The following CHPF2 variants were observed in gnomAD, a reference collection of about 807,000 sequenced individuals.
The protein encoded by CHPF2 is chondroitin polymerizing factor 2, non-catalytic subunit.
CHPF2 carries 58 observed loss-of-function variants against 63.0 expected under a neutral mutation model. The ratio of observed to expected loss-of-function variants is 0.92; its 90% CI spans 0.75 to 1.15. CHPF2 has a LOEUF of 1.15. CHPF2 is among the 50% of genes most tolerant of loss of function. The pLI is 0.00. For missense variants in CHPF2, 1,045 were observed against 1,035.4 expected (o/e 1.01, Z -0.13); for synonymous variants, 442 against 438.0 (o/e 1.01, Z -0.11).
rs1052024145 is a variant in CHPF2 at position 151,233,237 on chromosome 7, C to T, written c.-775C>T. ...GCAGCTGGGGTTCCGAGGAGAATGC[C>T]CTGCAAGATGGCTCCATCGGCCATG... On this transcript the variant is annotated 5_prime_UTR_variant, in exon 1 of 4. Coordinates refer to ENST00000035307, the MANE Select transcript of CHPF2 (RefSeq NM_019015.3). 13 of 1,000,226 alleles carry T rather than the reference C, an allele frequency of 1.3e-5. No individual in the cohort carries two copies. The African/African-American group carries it at 1.9e-4, about 15-fold the overall frequency. The allele number at this position is 1,000,226 out of a possible 1,614,324, so 62.0% of individuals were successfully genotyped here. A position where few individuals can be genotyped will look rare whatever the true frequency, so the allele number is the denominator to read the frequency against.
At position 151,238,295 on chromosome 7, in the gene CHPF2, GA is replaced by G; in HGVS notation, c.1934del (p.Asp645AlafsTer16). The G allele has an allele frequency of 6.2e-7, 1 of 1,610,682 alleles. No individual in the cohort carries two copies. The highest frequency in any genetic ancestry group is 2.2e-5 in the East Asian group (1 of 44,802). ...SPPGPPGAGP[D>X]PPSPPGADPS... ...CCCAGGGCCCCCGGGGGCTGGCCCT[GA>G]CCCCCCCTCCCCTCCTGGTGCTGAC... On this transcript the variant is annotated frameshift_variant, in exon 4 of 4. Transcript: ENST00000035307. LOFTEE classifies it high-confidence loss of function.
Position 151,232,739 on chromosome 7 carries a change from C to T in CHPF2, c.-1273C>T, listed in dbSNP as rs1247049890. ...TCCTCCCCGAGGGCCTTGGGCGTCC[C>T]TCCTGGTCCTGCGCTCGCGGCCTCG... is the stretch of plus-strand genomic sequence containing the variant. On this transcript the variant is annotated 5_prime_UTR_variant, in exon 1 of 4. Coordinates refer to ENST00000035307, the MANE Select transcript of CHPF2 (RefSeq NM_019015.3). 2.3e-5 allele frequency: 35 copies of T among 1,509,502 alleles called. No individual in the cohort carries two copies. Among genetic ancestry groups the T allele is most frequent in the Non-Finnish European group, 2.8e-5 (32 of 1,135,592 alleles). 93.5% of individuals were successfully genotyped at this position (1,509,502 alleles called of 1,614,324 possible).
At position 151,233,708 on chromosome 7, in the gene CHPF2, T is replaced by C; in HGVS notation, c.-304T>C. On this transcript the variant is annotated 5_prime_UTR_variant, in exon 1 of 4. Coordinates refer to ENST00000035307, the MANE Select transcript of CHPF2 (RefSeq NM_019015.3). ...GTATTGAGTTTTACTTCCTCCTCTT[T>C]TTAGTGGAAGACAGACCATAATCCC... 2.7e-6 allele frequency: 3 copies of C among 1,121,142 alleles called. No individual in the cohort carries two copies. The highest frequency in any genetic ancestry group is 3.2e-5 in the African/African-American group (2 of 62,110). 69.4% of individuals were successfully genotyped at this position (1,121,142 alleles called of 1,614,324 possible).
chr7:151,234,368 C>A, intron 1 of CHPF2, 94 bp downstream of exon 1: 1 of 976,220 alleles, frequency 1.0e-6, no homozygotes, highest in South Asian at 2.8e-5. Flanking sequence ...CAATCGGCGT[C>A]GGGCGACTTG....
Position 151,235,265 on chromosome 7 carries a change from T to A in CHPF2, c.481T>A (p.Ser161Thr), listed in dbSNP as rs756178813. The A allele has an allele frequency of 1.9e-5, 31 of 1,613,648 alleles. 1 individual carries two copies. In the South Asian group the frequency reaches 3.2e-4, roughly 17 times the overall value. Residue 161 changes from serine to threonine, a missense_variant, in exon 2 of 4, where the codon TCA (serine) becomes ACA (threonine). By Grantham distance (58) the Ser-to-Thr change is moderately conservative. Transcript: ENST00000035307. ...GGATGAGCGGCCCGCCTGGCTCATG[T>A]CAGAGACCCTGCGCCACCTTCACAC... ...HGDERPAWLM[S>T]ETLRHLHTHF...
In CHPF2 at chr7:151,235,501, G is replaced by T; in HGVS notation, c.717G>T (p.Leu239=). ...TGTCACGGAGTCTCCTGCTTCGTCT[G>T]CGGCCACATCTGGATGGCTGCCGAG... ...YLLSRSLLLR[L]RPHLDGCRGD... The change falls in exon 2 of 4, where the codon CTG becomes CTT. Residue 239 remains leucine (L), a synonymous_variant. Transcript: ENST00000035307. The T allele has an allele frequency of 6.2e-7, 1 of 1,611,438 alleles. No homozygotes were observed. The highest frequency in any genetic ancestry group is 8.5e-7 in the Non-Finnish European group (1 of 1,180,020).
chr7:151,237,546 T>C lies in CHPF2; in HGVS notation c.1184T>C (p.Leu395Pro). ...GCAGATGGGGCTCCCAAGTGCCCAC[T>C]ACAGGGGGCTAGCAGGGCGGACGTG... The part of the protein sequence containing the change: ...SCADGAPKCP[L>P]QGASRADVGD... The change falls in exon 4 of 4, where the codon CTA (leucine) becomes CCA (proline). Residue 395 changes from leucine (L) to proline (P), a missense_variant. By Grantham distance (98) the Leu-to-Pro change is moderately conservative. Coordinates refer to ENST00000035307, the MANE Select transcript of CHPF2 (RefSeq NM_019015.3). The C allele has an allele frequency of 6.2e-7, 1 of 1,613,964 alleles. No individual in the cohort carries two copies. Among genetic ancestry groups the C allele is most frequent in the Non-Finnish European group, 8.5e-7 (1 of 1,180,012 alleles).
chr7:151,233,520 C>T lies in CHPF2; in HGVS notation c.-492C>T. The T allele has an allele frequency of 2.0e-6, 2 of 986,088 alleles. No individual in the cohort carries two copies. Among genetic ancestry groups the T allele is most frequent in the South Asian group, 4.7e-5 (1 of 21,310 alleles). 61.1% of individuals were successfully genotyped at this position (986,088 alleles called of 1,614,324 possible). A position where few individuals can be genotyped will look rare whatever the true frequency, so the allele number is the denominator to read the frequency against. On this transcript the variant is annotated 5_prime_UTR_variant, in exon 1 of 4. Coordinates refer to ENST00000035307, the MANE Select transcript of CHPF2 (RefSeq NM_019015.3). ...AGGACCGATGCCAGAGGCAGGCATT[C>T]TTCCGGAAAGGCCCACTGAGGCAGG...
chr7:151,233,875 G>A lies in CHPF2; in HGVS notation c.-137G>A. Reference sequence around the variant, plus strand: ...GGATGCTGGTCCTGGAAGCCAGCGGGCCTCGCTCTGTCTTTGGCCTCATTG... The same window carrying A: ...GGATGCTGGTCCTGGAAGCCAGCGGACCTCGCTCTGTCTTTGGCCTCATTG... On this transcript the variant is annotated 5_prime_UTR_variant, in exon 1 of 4. Transcript: ENST00000035307. The A allele has an allele frequency of 7.7e-7, 1 of 1,297,236 alleles. No homozygotes were observed. 80.4% of individuals were successfully genotyped at this position (1,297,236 alleles called of 1,614,324 possible). A position where few individuals can be genotyped will look rare whatever the true frequency, so the allele number is the denominator to read the frequency against.
chr7:151,238,197 T>C lies in CHPF2; in HGVS notation c.1835T>C (p.Ile612Thr). 1 of 1,613,104 alleles carries C rather than the reference T, an allele frequency of 6.2e-7. No individual in the cohort carries two copies. ...EVLNRCRMNA[I>T]SGWQAFFPVH... is the part of the protein sequence containing the mutation. ...CTCAACCGCTGTCGCATGAATGCCA[T>C]CTCTGGCTGGCAGGCCTTCTTTCCA... The change falls in exon 4 of 4, where the codon ATC becomes ACC. Residue 612 changes from isoleucine to threonine, a missense_variant. Coordinates refer to ENST00000035307, the MANE Select transcript of CHPF2 (RefSeq NM_019015.3).
Position 151,238,391 on chromosome 7 carries a change from G to A in CHPF2, c.2029G>A (p.Ala677Thr), listed in dbSNP as rs924121784. ...QASAEGCFYN[A>T]DYLAARARLA... is the part of the protein sequence containing the mutation. ...TTCTGCGGAGGGCTGCTTCTACAAC[G>A]CTGACTACCTGGCGGCCCGAGCCCG... The change falls in exon 4 of 4, where the codon GCT becomes ACT. Residue 677 changes from alanine to threonine, a missense_variant. By Grantham distance (58) the Ala-to-Thr change is moderately conservative. Coordinates refer to ENST00000035307, the MANE Select transcript of CHPF2 (RefSeq NM_019015.3). 18 of 1,605,790 alleles carry A rather than the reference G, an allele frequency of 1.1e-5. No individual in the cohort carries two copies. The highest frequency in any genetic ancestry group is 4.4e-5 in the South Asian group (4 of 90,308).
chr7:151,233,818 A>G lies in CHPF2; in HGVS notation c.-194A>G. ...ACCTTCACAGTTGAAGAGCAGGCAG[A>G]AGGAGTTGTGAAGACAGGACAATCT... On this transcript the variant is annotated 5_prime_UTR_variant, in exon 1 of 4. Coordinates refer to ENST00000035307, the MANE Select transcript of CHPF2 (RefSeq NM_019015.3). 8.0e-7 allele frequency: 1 copy of G among 1,243,968 alleles called. No individual in the cohort carries two copies. The allele number at this position is 1,243,968 out of a possible 1,614,324, so 77.1% of individuals were successfully genotyped here.
At position 151,237,818 on chromosome 7, in the gene CHPF2, G is replaced by T; in HGVS notation, c.1456G>T (p.Ala486Ser). ...CCTACCTATGCCCTATGTCACTGAG[G>T]CCACCCGAGTGCAGCTGGTGCTGCC... Reference protein sequence around the residue: ...EILPMPYVTEATRVQLVLPLL... With the variant: ...EILPMPYVTESTRVQLVLPLL... The change falls in exon 4 of 4, where the codon GCC becomes TCC. Residue 486 changes from alanine (A) to serine (S), a missense_variant. By Grantham distance (99) the Ala-to-Ser change is moderately conservative. Transcript: ENST00000035307. 6.2e-7 allele frequency: 1 copy of T among 1,612,660 alleles called. No individual in the cohort carries two copies.
Position 151,236,298 on chromosome 7 carries a change from T to C in CHPF2, c.829-110T>C, listed in dbSNP as rs531984768. 2.5e-5 allele frequency: 24 copies of C among 966,902 alleles called. No individual in the cohort carries two copies. The South Asian group carries it at 4.4e-4, about 18-fold the overall frequency. The allele number at this position is 966,902 out of a possible 1,614,324, so 59.9% of individuals were successfully genotyped here. Reference sequence around the variant, plus strand: ...GCTGGAAAGGGTGCCTCTTCTGTCCTCTGTTCTAACGCAGCAGTGCTAACA... The same window carrying C: ...GCTGGAAAGGGTGCCTCTTCTGTCCCCTGTTCTAACGCAGCAGTGCTAACA... On this transcript the variant is annotated intron_variant, in intron 2 of 3. Transcript: ENST00000035307.
Position 151,232,891 on chromosome 7 carries a change from T to TG in CHPF2, c.-1121_-1120insG. On this transcript the variant is annotated 5_prime_UTR_variant, in exon 1 of 4. An upstream open reading frame in the 5' UTR loses its in-frame stop. Transcript: ENST00000035307. ...ACCCGAGCTGGTCTCCCGAGCCCCC[T>TG]TCTCAGCAGCCCGGTGACGTGGCCA... 7.2e-7 allele frequency: 1 copy of TG among 1,381,594 alleles called. No homozygotes were observed. 85.6% of individuals were successfully genotyped at this position (1,381,594 alleles called of 1,614,324 possible).
rs576837143 is a variant in CHPF2 at position 151,238,519 on chromosome 7, C to T, written c.2157C>T (p.Ala719=). Residue 719 remains alanine (A), a synonymous_variant, in exon 4 of 4, where the codon GCC becomes GCT. Coordinates refer to ENST00000035307, the MANE Select transcript of CHPF2 (RefSeq NM_019015.3). ...TCTCAGGGCTCCACCTCTTTCGGGC[C>T]GTAGAGCCAGGGCTGGTGCAGAAGT... ...LRFSGLHLFR[A]VEPGLVQKFS... The T allele has an allele frequency of 6.2e-6, 10 of 1,604,848 alleles. No individual in the cohort carries two copies. Among genetic ancestry groups the T allele is most frequent in the South Asian group, 4.4e-5 (4 of 90,058 alleles).
At position 151,238,000 on chromosome 7, in the gene CHPF2, G is replaced by A; in HGVS notation, c.1638G>A (p.Lys546=). The A allele has an allele frequency of 6.2e-7, 1 of 1,613,134 alleles. No homozygotes were observed. Among genetic ancestry groups the A allele is most frequent in the Non-Finnish European group, 8.5e-7 (1 of 1,180,040 alleles). Residue 546 remains lysine, a synonymous_variant, in exon 4 of 4, where the codon AAG becomes AAA. Coordinates refer to ENST00000035307, the MANE Select transcript of CHPF2 (RefSeq NM_019015.3). The part of the protein sequence containing the change: ...RGAPDPFLGV[K]AAAAELERRY... The stretch of plus-strand genomic sequence containing the variant: ...CTCCAGACCCATTTCTTGGGGTGAA[G>A]GCTGCAGCAGCGGAGTTAGAGCGAC...
intron 3 of CHPF2, 56 bp downstream of exon 3, chr7:151,236,646 C>G: frequency 6.9e-7 from 1 of 1,441,384 alleles, no homozygotes; most frequent in Non-Finnish European, 9.3e-7. Context: ...TCAGAGAGAG[C>G]CTGAGATGTC....
At position 151,233,141 on chromosome 7, in the gene CHPF2, T is replaced by C; in HGVS notation, c.-871T>C. 3 of 1,096,656 alleles carry C rather than the reference T, an allele frequency of 2.7e-6. No homozygotes were observed. The highest frequency in any genetic ancestry group is 3.3e-6 in the Non-Finnish European group (3 of 901,464). 67.9% of individuals were successfully genotyped at this position (1,096,656 alleles called of 1,614,324 possible). A position where few individuals can be genotyped will look rare whatever the true frequency, so the allele number is the denominator to read the frequency against. ...CTTTTGGTTTGCTTCATTTGGCCCC[T>C]GGGGCCCTGGTAAAACCAGGCACCG... On this transcript the variant is annotated 5_prime_UTR_variant, in exon 1 of 4. Transcript: ENST00000035307.
Sources: gnomAD v4.1 joint callset for allele counts on GRCh38, gnomAD v4.1.1 for gene constraint, MANE v1.5 for transcripts, NCBI Gene and HGNC (gene_info 2026-07-23, HGNC 2026-07-21) for gene names.